CCSER1: variants seen among roughly 807,000 people sequenced by gnomAD.
CCSER1 encodes serine-rich coiled-coil domain-containing protein 1.
CCSER1 carries 41 observed loss-of-function variants against 82.0 expected under a neutral mutation model. That is an observed-to-expected ratio of 0.50 (90% CI 0.39 to 0.65). The LOEUF (loss-of-function observed/expected upper bound fraction) is 0.65. Among genes scored for constraint, CCSER1 ranks in the 30% least tolerant of loss-of-function variants. CCSER1 has a pLI of 0.00. For synonymous variants in CCSER1, 414 were observed against 383.9 expected, an observed-to-expected ratio of 1.08 and a Z score of -0.92; for missense variants, 1,119 against 1,064.2, an observed-to-expected ratio of 1.05 and a Z score of -0.72.
At chr4:90,919,081 T>G (rs1727979983) in intron 8 of CCSER1, among the ~76,000 whole-genome samples, 1 of 131,914 alleles carries the variant, frequency 7.6e-6, no homozygotes, top group South Asian at 2.3e-4. Flanking sequence ...CTTAAATTGT[T>G]TCCACAGTAA....
At chr4:91,159,230 T>A (rs937778003) in intron 10 of CCSER1, among the ~76,000 whole-genome samples, 1 of 152,030 alleles carries the variant, frequency 6.6e-6, no homozygotes, top group African/African-American at 2.4e-5. Context: ...CTGATTAGAA[T>A]GAGTCCTCTT....
chr4:91,150,407 C>T (rs1288922228), intron 10 of CCSER1, among the ~76,000 whole-genome samples: 1 of 152,154 alleles, frequency 6.6e-6, no homozygotes, highest in South Asian at 2.1e-4. Context: ...TCTAAATATA[C>T]AATCATGTCA....
At chr4:91,380,184 G>T (rs1446135163) in intron 10 of CCSER1, among the ~76,000 whole-genome samples, 1 of 152,152 alleles carries the variant, frequency 6.6e-6, no homozygotes, top group South Asian at 2.1e-4. Context: ...GTCAATTTTG[G>T]AATAAGTGCG....
In CCSER1 at chr4:91,588,400, T is replaced by C. The variant is rs903151310; in HGVS notation, c.2218-10172T>C. On this transcript the variant is annotated intron_variant, in intron 10 of 10. Coordinates refer to ENST00000509176, the MANE Select transcript of CCSER1 (RefSeq NM_001145065.2). Reference sequence around the variant, plus strand: ...CTTATCTCTAAGGCTCAACTCTTTATACAGCAAAAGAATGTATTTTTGAAA... The same window carrying C: ...CTTATCTCTAAGGCTCAACTCTTTACACAGCAAAAGAATGTATTTTTGAAA... Among the ~76,000 whole-genome samples, 6 of 151,714 alleles carry C rather than the reference T, an allele frequency of 4.0e-5. No individual in the cohort carries two copies. The Admixed American group carries it at 4.0e-4, about 10-fold the overall frequency.
chr4:90,777,065 G>A (rs1039430821), intron 7 of CCSER1, among the ~76,000 whole-genome samples: 12 of 152,110 alleles, frequency 7.9e-5, no homozygotes, highest in Non-Finnish European at 1.6e-4. Flanking sequence ...AATTAAAAAT[G>A]CCTCTAAGTG....
chr4:90,188,112 A>G (rs1337406012), intron 1 of CCSER1, among the ~76,000 whole-genome samples: 1 of 151,882 alleles, frequency 6.6e-6, no homozygotes, highest in Non-Finnish European at 1.5e-5. Context: ...ACAATTCTTT[A>G]AATTCTGTTA....
At chr4:90,718,039 A>T (rs1428106876) in intron 6 of CCSER1, among the ~76,000 whole-genome samples, 2 of 152,080 alleles carry the variant, frequency 1.3e-5, no homozygotes, top group African/African-American at 4.8e-5. Context: ...TATATTTTTA[A>T]GAAAAATAAC....
chr4:90,204,996 G>T (rs1273135233), intron 1 of CCSER1, among the ~76,000 whole-genome samples: 1 of 152,116 alleles, frequency 6.6e-6, no homozygotes, highest in Non-Finnish European at 1.5e-5. Context: ...CTCTCTGTTT[G>T]TCTGTTATTG....
intron 8 of CCSER1, among the ~76,000 whole-genome samples, chr4:90,886,022 T>C (rs4529014): frequency 0.046 from 6,935 of 152,202 alleles, 287 homozygotes; most frequent in African/African-American, 0.11. Flanking sequence ...GAGCTGTTCC[T>C]CATTGGTGTT....
chr4:90,905,515 A>G (rs1460034820), intron 8 of CCSER1, among the ~76,000 whole-genome samples: 1 of 151,976 alleles, frequency 6.6e-6, no homozygotes, highest in Non-Finnish European at 1.5e-5. Context: ...CTTAAATGTC[A>G]TTTCTTCACT....
At chr4:90,251,133 A>G (rs139322694) in intron 1 of CCSER1, among the ~76,000 whole-genome samples, 70 of 152,014 alleles carry the variant, frequency 4.6e-4, no homozygotes, top group South Asian at 3.7e-3. Context: ...AAAATATAAG[A>G]TCATAAGATC....
At chr4:90,943,729 A>ATTTTTT (rs70965460) in intron 9 of CCSER1, among the ~76,000 whole-genome samples, 8 of 68,852 alleles carry the variant, frequency 1.2e-4, no homozygotes, top group African/African-American at 1.9e-4. Context: ...TGCCAGGCTA[A>ATTTTTT]TTTTTTTTTT....
At chr4:90,696,928 G>T (rs1737086933) in intron 6 of CCSER1, among the ~76,000 whole-genome samples, 2 of 152,112 alleles carry the variant, frequency 1.3e-5, no homozygotes, top group Non-Finnish European at 2.9e-5. Context: ...CTGAATTACA[G>T]CTGGGAAAAA....
chr4:91,294,432 C>CTT (rs1264066113), intron 10 of CCSER1, among the ~76,000 whole-genome samples: 2 of 151,790 alleles, frequency 1.3e-5, no homozygotes, highest in African/African-American at 4.8e-5. Flanking sequence ...GTCGAACTCT[C>CTT]TTATTGACTA....
chr4:90,555,726 C>A (rs919176423), intron 5 of CCSER1, among the ~76,000 whole-genome samples: 3 of 151,770 alleles, frequency 2.0e-5, no homozygotes, highest in Non-Finnish European at 4.4e-5. Flanking sequence ...AAATTGGAGA[C>A]CTATTTACAC....
chr4:91,360,886 G>C (rs17214010), intron 10 of CCSER1, among the ~76,000 whole-genome samples: 36,352 of 151,642 alleles, frequency 0.24, 5,342 homozygotes, highest in Middle Eastern at 0.41. Flanking sequence ...GTAATAGGAT[G>C]GAGGAGGTTA....
rs1051791420 is a variant in CCSER1 at position 91,558,732 on chromosome 4, A to G, written c.2218-39840A>G. On this transcript the variant is annotated intron_variant, in intron 10 of 10. Transcript: ENST00000509176. ...CCTGAAAAACCCATCAGATTTTGTG[A>G]GACTTATTCACTATACGAGAGTAGC... Among the ~76,000 whole-genome samples, 5 of 151,606 alleles carry G rather than the reference A, an allele frequency of 3.3e-5. No homozygotes were observed. In the Admixed American group the frequency reaches 3.3e-4, roughly 10 times the overall value.
chr4:90,224,336 C>G (rs1212013841), intron 1 of CCSER1, among the ~76,000 whole-genome samples: 1 of 152,134 alleles, frequency 6.6e-6, no homozygotes, highest in Non-Finnish European at 1.5e-5. Context: ...TATCACCTAA[C>G]AAACATTTGA....
intron 4 of CCSER1, among the ~76,000 whole-genome samples, chr4:90,412,019 G>A (rs1265599011): frequency 6.6e-6 from 1 of 151,930 alleles, no homozygotes; most frequent in Non-Finnish European, 1.5e-5. Flanking sequence ...GCACACGTAT[G>A]TTTATTGCGG....
Sources: gnomAD v4.1 joint callset for allele counts (sites outside exome capture counted in the v4.1 genomes callset) on GRCh38, gnomAD v4.1.1 for gene constraint, MANE v1.5 for transcripts, NCBI Gene and HGNC (gene_info 2026-07-23, HGNC 2026-07-21) for gene names.